The following CNTN5 variants were observed in gnomAD, a reference collection of about 807,000 sequenced individuals.
CNTN5 encodes the protein contactin-5.
CNTN5 carries 77 observed loss-of-function variants against 129.1 expected under a neutral mutation model. The observed-to-expected ratio is 0.60, with a 90% confidence interval of 0.50 to 0.72. CNTN5 has a LOEUF of 0.72. CNTN5 is among the 30% of genes least tolerant of loss of function. The probability of loss-of-function intolerance (pLI) is 0.00; values close to 1 mark genes in which losing one functional copy is unlikely to be tolerated. For synonymous variants in CNTN5, 509 were observed against 465.6 expected (o/e 1.09, Z -1.20); for missense variants, 1,478 against 1,328.8 (o/e 1.11, Z -1.75).
chr11:99,591,683 T>G (rs1042525929), intron 3 of CNTN5, among the ~76,000 whole-genome samples: 6 of 151,976 alleles, frequency 3.9e-5, no homozygotes, highest in African/African-American at 9.7e-5. Flanking sequence ...GGAAGAGAGA[T>G]AACGAGATAC....
intron 7 of CNTN5, among the ~76,000 whole-genome samples, chr11:99,953,905 C>T (rs1302340118): frequency 2.0e-5 from 3 of 152,128 alleles, no homozygotes; most frequent in African/African-American, 7.2e-5. Context: ...TTAGTCATGA[C>T]TTCTTTTCCC....
chr11:100,114,770 T>C (rs994493658), intron 13 of CNTN5, among the ~76,000 whole-genome samples: 3 of 152,078 alleles, frequency 2.0e-5, no homozygotes, highest in African/African-American at 7.2e-5. Flanking sequence ...AATTTACATG[T>C]CATCTCATTC....
At chr11:100,056,428 G>GAA (rs549251012) in intron 9 of CNTN5, among the ~76,000 whole-genome samples, 1 of 145,892 alleles carries the variant, frequency 6.9e-6, no homozygotes. Context: ...GACATACCAT[G>GAA]AAAAAAAAAA....
At chr11:100,003,193 A>T (rs1939985514) in intron 9 of CNTN5, among the ~76,000 whole-genome samples, 1 of 152,314 alleles carries the variant, frequency 6.6e-6, no homozygotes, top group Admixed American at 6.5e-5. Context: ...ATAATAGACT[A>T]TAAGCAAAAT....
intron 2 of CNTN5, among the ~76,000 whole-genome samples, chr11:99,426,429 A>T (rs1204126327): frequency 6.6e-6 from 1 of 152,234 alleles, no homozygotes; most frequent in African/African-American, 2.4e-5. Context: ...TAAAGACATC[A>T]TGAGGCCAGC....
chr11:100,206,271 A>G (rs12419072), intron 15 of CNTN5, among the ~76,000 whole-genome samples: 23,467 of 152,060 alleles, frequency 0.15, 2,423 homozygotes, highest in South Asian at 0.41. Context: ...GAGGGTGAGC[A>G]TGATGAAATA....
intron 21 of CNTN5, chr11:100,309,742 A>G (rs896022833): frequency 5.8e-5 from 57 of 980,014 alleles, no homozygotes; most frequent in Non-Finnish European, 1.6e-5. Flanking sequence ...ATCCAACCGT[A>G]GAAGACACTG....
chr11:99,317,693 T>G (rs1865398659), intron 1 of CNTN5, among the ~76,000 whole-genome samples: 1 of 152,186 alleles, frequency 6.6e-6, no homozygotes, highest in Non-Finnish European at 1.5e-5. Context: ...TTCGTACATT[T>G]AATCTTCTTT....
At chr11:99,992,341 G>C (rs1026181378) in intron 8 of CNTN5, among the ~76,000 whole-genome samples, 1 of 152,186 alleles carries the variant, frequency 6.6e-6, no homozygotes, top group Non-Finnish European at 1.5e-5. Flanking sequence ...GGGAGTACCA[G>C]CACATACAGG....
chr11:100,323,139 A>C (rs2138966269), intron 21 of CNTN5, among the ~76,000 whole-genome samples: 1 of 152,342 alleles, frequency 6.6e-6, no homozygotes, highest in Non-Finnish European at 1.5e-5. Flanking sequence ...CTAAAAAAGC[A>C]TACCTAATGT....
intron 1 of CNTN5, among the ~76,000 whole-genome samples, chr11:99,055,532 T>A (rs1389346534): frequency 6.6e-6 from 1 of 151,944 alleles, no homozygotes; most frequent in Non-Finnish European, 1.5e-5. Context: ...CCCATTGGCT[T>A]TGGCTGACAA....
intron 3 of CNTN5, among the ~76,000 whole-genome samples, chr11:99,747,823 A>G (rs1169347959): frequency 1.3e-5 from 2 of 152,180 alleles, no homozygotes; most frequent in South Asian, 2.1e-4. Flanking sequence ...GTTTTTCATC[A>G]TTGAGTGTGA....
chr11:99,802,536 G>A (rs1329916673), intron 3 of CNTN5, among the ~76,000 whole-genome samples: 3 of 152,166 alleles, frequency 2.0e-5, no homozygotes, highest in Admixed American at 1.3e-4. Flanking sequence ...TCAGTTCCAT[G>A]TTCTATGTAC....
chr11:99,329,628 G>A (rs1361912931), intron 2 of CNTN5, among the ~76,000 whole-genome samples: 2 of 152,102 alleles, frequency 1.3e-5, no homozygotes, highest in Admixed American at 1.3e-4. Flanking sequence ...ATCCCAGACA[G>A]ACAAATTCTT....
At chr11:100,259,036 G>C (rs528607695) in intron 17 of CNTN5, among the ~76,000 whole-genome samples, 2 of 152,170 alleles carry the variant, frequency 1.3e-5, no homozygotes, top group Non-Finnish European at 2.9e-5. Flanking sequence ...TCAGTGTGCT[G>C]TATTCAGGAG....
chr11:100,260,538 A>G (rs1423268048), intron 17 of CNTN5, among the ~76,000 whole-genome samples: 1 of 152,214 alleles, frequency 6.6e-6, no homozygotes, highest in African/African-American at 2.4e-5. Flanking sequence ...TCACTGGGAG[A>G]ATCCTCAATA....
intron 18 of CNTN5, among the ~76,000 whole-genome samples, chr11:100,274,919 A>C (rs141451355): frequency 0.02 from 3,100 of 152,308 alleles, 107 homozygotes; most frequent in African/African-American, 0.07. Flanking sequence ...TGGGTGATGA[A>C]ATAATCTGTA....
intron 3 of CNTN5, among the ~76,000 whole-genome samples, chr11:99,564,028 T>G (rs1044522529): frequency 1.2e-4 from 19 of 152,192 alleles, no homozygotes; most frequent in Admixed American, 5.9e-4. Context: ...TAACACATAT[T>G]TATATATGTC....
chr11:99,194,829 T>C (rs942263348), intron 1 of CNTN5, among the ~76,000 whole-genome samples: 1 of 152,152 alleles, frequency 6.6e-6, no homozygotes, highest in Admixed American at 6.5e-5. Flanking sequence ...GGTCTTGAAC[T>C]CCTGAGCTCA....
Sources: allele counts gnomAD v4.1 joint callset (sites outside exome capture counted in the v4.1 genomes callset), GRCh38; gene constraint gnomAD v4.1.1; transcripts MANE v1.5; gene names NCBI Gene and HGNC (gene_info 2026-07-23, HGNC 2026-07-21).